R3HDM2: variants seen among roughly 807,000 people sequenced by gnomAD.
R3HDM2 encodes the protein R3H domain containing 2.
A neutral mutation model predicts 124.5 loss-of-function variants in R3HDM2; 38 were observed. That is an observed-to-expected ratio of 0.31 (90% CI 0.24 to 0.40). R3HDM2 has a LOEUF of 0.40. Among genes scored for constraint, R3HDM2 ranks in the 10% least tolerant of loss-of-function variants. The pLI, the probability that R3HDM2 is intolerant of heterozygous loss-of-function variation, is 1.00. For missense variants in R3HDM2, 869 were observed against 1,236.9 expected, an observed-to-expected ratio of 0.70 and a Z score of 4.46; for synonymous variants, 391 against 448.0, an observed-to-expected ratio of 0.87 and a Z score of 1.61.
chr12:57,350,968 G>C (rs1339038901), intron 2 of R3HDM2, among the ~76,000 whole-genome samples: 6 of 152,052 alleles, frequency 3.9e-5, no homozygotes. Context: ...GCATGGTGGC[G>C]GGTGCCTGTA....
intron 12 of R3HDM2, among the ~76,000 whole-genome samples, chr12:57,285,410 T>C (rs909480810): frequency 6.6e-6 from 1 of 151,682 alleles, no homozygotes; most frequent in African/African-American, 2.4e-5. Flanking sequence ...AACATGCTAA[T>C]TCTTCTCTGC....
intron 1 of R3HDM2, among the ~76,000 whole-genome samples, chr12:57,418,636 G>A (rs1285811343): frequency 3.3e-5 from 5 of 149,918 alleles, no homozygotes; most frequent in South Asian, 4.2e-4. Flanking sequence ...TCAGCTCACC[G>A]CAACCTCTGT....
At chr12:57,397,797 C>T (rs1367621898) in intron 1 of R3HDM2, among the ~76,000 whole-genome samples, 1 of 152,166 alleles carries the variant, frequency 6.6e-6, no homozygotes, top group East Asian at 1.9e-4. Flanking sequence ...CTTTGTCACA[C>T]CAAGAGTTCA....
chr12:57,360,043 ATATAT>A (rs1328108155), intron 2 of R3HDM2, among the ~76,000 whole-genome samples: 4 of 80,504 alleles, frequency 5.0e-5, no homozygotes, highest in African/African-American at 1.7e-4. Flanking sequence ...ATATATATAT[ATATAT>A]TTTTTTTTTT....
intron 2 of R3HDM2, among the ~76,000 whole-genome samples, chr12:57,335,065 C>T (rs1315557403): frequency 6.6e-6 from 1 of 151,488 alleles, no homozygotes; most frequent in Non-Finnish European, 1.5e-5. Flanking sequence ...TCCCTTGAGC[C>T]CAGGAGGTTG....
At chr12:57,283,743 A>C (rs1310770314) in intron 13 of R3HDM2, 81 bp downstream of exon 13, 2 of 1,435,708 alleles carry the variant, frequency 1.4e-6, no homozygotes, top group East Asian at 2.3e-5. Flanking sequence ...GTCTCAAAAA[A>C]AAAAGTAAAT....
At chr12:57,415,291 C>T (rs1308498198) in intron 1 of R3HDM2, 1 of 152,044 alleles carries the variant, frequency 6.6e-6, no homozygotes, top group African/African-American at 2.4e-5. Flanking sequence ...TTCAAAGCAC[C>T]AGTGGTGCTC....
At position 57,413,428 on chromosome 12, in the gene R3HDM2, TA is replaced by T. The variant is rs748462019; in HGVS notation, c.-106+17291del. On this transcript the variant is annotated intron_variant, in intron 1 of 23. Coordinates refer to ENST00000402412, the MANE Select transcript of R3HDM2 (RefSeq NM_001394031.1). ...GGCCAATATAGTGCAACCTTCTATT[TA>T]AAAAAAAAAAAAAAAAAAAAAGCAG... is the stretch of plus-strand genomic sequence containing the variant. 3.1e-3 allele frequency among the ~76,000 whole-genome samples: 327 copies of T among 106,510 alleles called. 2 individuals carry two copies. Among genetic ancestry groups the T allele is most frequent in the African/African-American group, 5.9e-3 (168 of 28,428 alleles). 69.9% of individuals were successfully genotyped at this position (106,510 alleles called of 152,430 possible).
At chr12:57,408,773 T>C (rs1405629288) in intron 1 of R3HDM2, among the ~76,000 whole-genome samples, 7 of 151,832 alleles carry the variant, frequency 4.6e-5, no homozygotes, top group Non-Finnish European at 1.0e-4. Flanking sequence ...TCCATGAGAG[T>C]TCCACCCTCA....
intron 14 of R3HDM2, among the ~76,000 whole-genome samples, chr12:57,271,248 C>T (rs947862186): frequency 1.3e-5 from 2 of 152,170 alleles, no homozygotes; most frequent in Non-Finnish European, 2.9e-5. Context: ...ACTTCCAATT[C>T]TCACCTCCAA....
intron 1 of R3HDM2, among the ~76,000 whole-genome samples, chr12:57,407,618 GC>G (rs1684432149): frequency 6.6e-6 from 1 of 151,974 alleles, no homozygotes; most frequent in Non-Finnish European, 1.5e-5. Flanking sequence ...TCTTGGCCAG[GC>G]TGGTCTTGAA....
intron 2 of R3HDM2, among the ~76,000 whole-genome samples, chr12:57,375,858 G>A (rs761773634): frequency 6.6e-6 from 1 of 152,064 alleles, no homozygotes; most frequent in Non-Finnish European, 1.5e-5. Context: ...ATTTTTAGTA[G>A]AGACAGGGTT....
chr12:57,395,518 G>C (rs1035734013), intron 2 of R3HDM2, among the ~76,000 whole-genome samples: 2 of 151,460 alleles, frequency 1.3e-5, no homozygotes, highest in Non-Finnish European at 2.9e-5. Context: ...AAAAAAAGGT[G>C]ATCTGCCCAC....
intron 23 of R3HDM2, 147 bp from the exon 24 acceptor site, chr12:57,255,260 C>T: frequency 1.6e-6 from 1 of 622,022 alleles, no homozygotes; most frequent in South Asian, 2.7e-5. Flanking sequence ...CTTTCTTCCC[C>T]TCCCCACCAT....
intron 14 of R3HDM2, among the ~76,000 whole-genome samples, chr12:57,279,787 G>C (rs1020283396): frequency 1.3e-5 from 2 of 152,052 alleles, no homozygotes; most frequent in African/African-American, 4.8e-5. Context: ...ACTCTAGTTG[G>C]TACCAACATT....
At chr12:57,333,079 T>C (rs907007299) in intron 2 of R3HDM2, among the ~76,000 whole-genome samples, 3 of 152,200 alleles carry the variant, frequency 2.0e-5, no homozygotes, top group Admixed American at 1.3e-4. Context: ...GAAATTTCTA[T>C]GAATGAATCA....
intron 2 of R3HDM2, among the ~76,000 whole-genome samples, chr12:57,312,591 C>A (rs1364733331): frequency 6.6e-6 from 1 of 152,084 alleles, no homozygotes; most frequent in African/African-American, 2.4e-5. Context: ...TAGTTGACGG[C>A]CAGGCACAGT....
At chr12:57,343,913 T>C (rs913805574) in intron 2 of R3HDM2, among the ~76,000 whole-genome samples, 1 of 152,158 alleles carries the variant, frequency 6.6e-6, no homozygotes, top group Non-Finnish European at 1.5e-5. Context: ...AGGCCATTTG[T>C]GGTTTTTAAG....
intron 14 of R3HDM2, among the ~76,000 whole-genome samples, chr12:57,276,544 T>C (rs1345552694): frequency 2.0e-5 from 3 of 152,230 alleles, no homozygotes; most frequent in African/African-American, 7.2e-5. Context: ...AAACATCGCA[T>C]GTTCTCACTG....
Sources: gnomAD v4.1 joint callset for allele counts (sites outside exome capture counted in the v4.1 genomes callset) on GRCh38, gnomAD v4.1.1 for gene constraint, MANE v1.5 for transcripts, NCBI Gene and HGNC (gene_info 2026-07-23, HGNC 2026-07-21) for gene names.